CFAP96: variants seen among roughly 807,000 people sequenced by gnomAD.
CFAP96 encodes cilia and flagella associated protein 96.
At chr4:185,428,777 C>T in the CFAP96 span, among the ~76,000 whole-genome samples, 3 of 151,676 alleles carry the variant, frequency 2.0e-5, no homozygotes, top group Non-Finnish European at 4.4e-5. Flanking sequence ...AATAATTGTT[C>T]TCTTCCCCAT....
the CFAP96 span, among the ~76,000 whole-genome samples, chr4:185,417,163 A>C: frequency 6.6e-6 from 1 of 152,226 alleles, no homozygotes; most frequent in Non-Finnish European, 1.5e-5. Flanking sequence ...CTGAGGACAC[A>C]ACATCACTTC....
chr4:185,413,603 G>A, the CFAP96 span: 1 of 964,970 alleles, frequency 1.0e-6, no homozygotes, highest in Non-Finnish European at 1.5e-6. Context: ...TAACAGAGAT[G>A]GGTGATAAAT....
the CFAP96 span, among the ~76,000 whole-genome samples, chr4:185,416,401 T>A: frequency 3.9e-5 from 6 of 152,164 alleles, no homozygotes; most frequent in East Asian, 9.6e-4. Flanking sequence ...AATACATAAA[T>A]AACTATAATC....
the CFAP96 span, among the ~76,000 whole-genome samples, chr4:185,427,193 G>T: frequency 3.3e-5 from 5 of 152,242 alleles, no homozygotes; most frequent in East Asian, 9.6e-4. Flanking sequence ...TACCGTGAGA[G>T]GGAGGAACCT....
the CFAP96 span, among the ~76,000 whole-genome samples, chr4:185,434,692 A>ATGC: frequency 6.6e-6 from 1 of 151,750 alleles, no homozygotes; most frequent in African/African-American, 2.4e-5. Flanking sequence ...GAAACCCTAT[A>ATGC]AGACACTTAT....
the CFAP96 span, chr4:185,449,758 GA>G: frequency 1.6e-6 from 1 of 617,860 alleles, no homozygotes; most frequent in Non-Finnish European, 2.7e-6. Context: ...GCAGTTAAAA[GA>G]AATTCTGCAA....
chr4:185,415,623 C>T, the CFAP96 span: 3 of 1,202,118 alleles, frequency 2.5e-6, no homozygotes, highest in Non-Finnish European at 2.3e-6. Flanking sequence ...GAAAATCACA[C>T]CTTAGGTATA....
chr4:185,446,092 C>T, the CFAP96 span, among the ~76,000 whole-genome samples: 3 of 152,170 alleles, frequency 2.0e-5, no homozygotes, highest in Non-Finnish European at 4.4e-5. Flanking sequence ...CCACCCACCT[C>T]AGCCTCCCAA....
the CFAP96 span, among the ~76,000 whole-genome samples, chr4:185,432,861 T>TAA: frequency 0.078 from 11,351 of 145,562 alleles, 546 homozygotes; most frequent in South Asian, 0.14. Context: ...AGATCTTGTC[T>TAA]AAAAAAAAAA....
the CFAP96 span, chr4:185,418,727 C>T: frequency 6.2e-7 from 1 of 1,612,696 alleles, no homozygotes; most frequent in East Asian, 2.2e-5. Flanking sequence ...GCTTAGTTGA[C>T]AGGTCACTCA....
the CFAP96 span, chr4:185,415,713 C>T: frequency 6.2e-7 from 1 of 1,606,492 alleles, no homozygotes; most frequent in Non-Finnish European, 8.5e-7. Context: ...TACTTACTTT[C>T]CCCATGTTTC....
chr4:185,431,209 CAAAAAAAAA>C, the CFAP96 span, among the ~76,000 whole-genome samples: 1 of 88,592 alleles, frequency 1.1e-5, no homozygotes, highest in East Asian at 3.7e-4. Flanking sequence ...GACTCCGTCT[CAAAAAAAAA>C]AAAAAAAAAA....
the CFAP96 span, among the ~76,000 whole-genome samples, chr4:185,418,044 C>CT: frequency 2.5e-3 from 5 of 2,008 alleles, no homozygotes; most frequent in East Asian, 0.12. Context: ...AACTCCATCT[C>CT]AAAACACACA....
At chr4:185,432,229 A>C in the CFAP96 span, 1 of 1,470,300 alleles carries the variant, frequency 6.8e-7, no homozygotes. Context: ...AAAGTCTTAA[A>C]TATACCTCCT....
the CFAP96 span, among the ~76,000 whole-genome samples, chr4:185,428,371 C>G: frequency 1.3e-5 from 2 of 151,860 alleles, no homozygotes; most frequent in African/African-American, 2.4e-5. Flanking sequence ...GCCAGGAGTT[C>G]GAGACCAGCC....
the CFAP96 span, among the ~76,000 whole-genome samples, chr4:185,417,556 G>C: frequency 6.6e-6 from 1 of 152,002 alleles, no homozygotes; most frequent in Admixed American, 6.6e-5. Flanking sequence ...GGTTTAGTTA[G>C]GCCTCTTCTA....
the CFAP96 span, chr4:185,445,145 C>T: frequency 6.5e-7 from 1 of 1,544,440 alleles, no homozygotes; most frequent in Non-Finnish European, 8.8e-7. Context: ...GAATATCTTA[C>T]ACTTAGCTTA....
At chr4:185,436,414 T>C in the CFAP96 span, 1 of 1,316,422 alleles carries the variant, frequency 7.6e-7, no homozygotes, top group Non-Finnish European at 1.1e-6. Flanking sequence ...TAACTCGATA[T>C]TAATAATTCA....
the CFAP96 span, among the ~76,000 whole-genome samples, chr4:185,418,071 C>CACACACACACACACACACACA: frequency 6.6e-6 from 1 of 151,818 alleles, no homozygotes; most frequent in African/African-American, 2.4e-5. Flanking sequence ...CACACACAAA[C>CACACACACACACACACACACA]AACAGAACCA....
Sources: gnomAD v4.1 joint callset for allele counts (sites outside exome capture counted in the v4.1 genomes callset) on GRCh38, gnomAD v4.1.1 for gene constraint, MANE v1.5 for transcripts, NCBI Gene and HGNC (gene_info 2026-07-23, HGNC 2026-07-21) for gene names.